FRAS1: variants seen among roughly 807,000 people sequenced by gnomAD.
The protein encoded by FRAS1 is extracellular matrix organizing protein FRAS1.
In FRAS1, 290 loss-of-function variants were observed where a neutral mutation model predicts 435.2. That is an observed-to-expected ratio of 0.67 (90% CI 0.61 to 0.73). The LOEUF is 0.73. Ranked by LOEUF, FRAS1 falls within the 30% of genes least tolerant of loss-of-function variation. The pLI, the probability that FRAS1 is intolerant of heterozygous loss-of-function variation, is 0.00. For missense variants in FRAS1, 4,860 were observed against 5,001.5 expected (o/e 0.97, Z 0.85); for synonymous variants, 1,800 against 1,851.0 (o/e 0.97, Z 0.71).
At chr4:78,510,506 G>T (rs1720999049) in intron 63 of FRAS1, among the ~76,000 whole-genome samples, 2 of 152,110 alleles carry the variant, frequency 1.3e-5, no homozygotes, top group Admixed American at 6.5e-5. Context: ...TGTTTTCATG[G>T]GTAAAATGTA....
chr4:78,469,186 A>G (rs747012074), intron 50 of FRAS1, among the ~76,000 whole-genome samples: 15 of 152,210 alleles, frequency 9.9e-5, no homozygotes, highest in Admixed American at 1.3e-4. Context: ...AGGTCTCTGG[A>G]GGGACGATGT....
At chr4:78,281,550 T>C (rs1016361076) in intron 11 of FRAS1, 117 bp downstream of exon 11, 1 of 590,638 alleles carries the variant, frequency 1.7e-6, no homozygotes, top group South Asian at 2.6e-5. Context: ...CCACATTTGA[T>C]GGCACTATGA....
intron 2 of FRAS1, among the ~76,000 whole-genome samples, chr4:78,140,671 GTATATGTATATGCATATACA>G (rs1720128339): frequency 1.4e-5 from 2 of 139,632 alleles, no homozygotes; most frequent in Non-Finnish European, 3.0e-5. Flanking sequence ...ATACATATGT[GTATATGTATATGCATATACA>G]TATGTGTATA....
intron 63 of FRAS1, among the ~76,000 whole-genome samples, chr4:78,509,814 A>C (rs1040228087): frequency 6.6e-6 from 1 of 152,244 alleles, no homozygotes; most frequent in Non-Finnish European, 1.5e-5. Flanking sequence ...AGTACCTGGC[A>C]TGTAGTAAGC....
chr4:78,445,494 T>C (rs764419221), intron 41 of FRAS1, 28 bp from the exon 42 acceptor site: 3 of 1,509,132 alleles, frequency 2.0e-6, no homozygotes, highest in Non-Finnish European at 8.9e-7. Flanking sequence ...TAGATCAAGG[T>C]AAAAATGCTC....
rs537804916 is a variant in FRAS1, at chr4:78,216,859, G to T, written c.109-20651G>T. Among the ~76,000 whole-genome samples, 5 of 152,284 alleles carry T rather than the reference G, an allele frequency of 3.3e-5. No individual in the cohort carries two copies. In the South Asian group the frequency reaches 1.0e-3, roughly 32 times the overall value. Reference sequence around the variant, plus strand: ...AAGGGAGAGACTGTGTCAGAGAAAAGAAACCTTTATGGCCACAGGAGAGTA... The same window carrying T: ...AAGGGAGAGACTGTGTCAGAGAAAATAAACCTTTATGGCCACAGGAGAGTA... On this transcript the variant is annotated intron_variant, in intron 2 of 73. Transcript: ENST00000512123.
chr4:78,093,778 A>C (rs918220651), intron 2 of FRAS1, among the ~76,000 whole-genome samples: 3 of 151,846 alleles, frequency 2.0e-5, no homozygotes, highest in African/African-American at 7.3e-5. Flanking sequence ...AAATCCTCTC[A>C]CTCCCCTGAG....
At chr4:78,077,122 C>T (rs1442869136) in intron 2 of FRAS1, among the ~76,000 whole-genome samples, 1 of 152,128 alleles carries the variant, frequency 6.6e-6, no homozygotes, top group African/African-American at 2.4e-5. Flanking sequence ...AAGGATGAGG[C>T]AGGAGGACGC....
chr4:78,400,205 T>C (rs762998184), intron 29 of FRAS1, among the ~76,000 whole-genome samples: 2 of 152,228 alleles, frequency 1.3e-5, no homozygotes, highest in Non-Finnish European at 1.5e-5. Context: ...TAGGAAAATC[T>C]TCCCGAGTCT....
At chr4:78,467,093 T>C (rs1460115724) in intron 50 of FRAS1, among the ~76,000 whole-genome samples, 2 of 152,184 alleles carry the variant, frequency 1.3e-5, no homozygotes, top group Non-Finnish European at 2.9e-5. Flanking sequence ...AATCCAGTTA[T>C]TCTCTTTTAG....
chr4:78,128,468 C>G (rs1211635155), intron 2 of FRAS1, among the ~76,000 whole-genome samples: 2 of 152,202 alleles, frequency 1.3e-5, no homozygotes, highest in African/African-American at 4.8e-5. Flanking sequence ...GATGGTATCT[C>G]ATTGTGGTTT....
intron 2 of FRAS1, among the ~76,000 whole-genome samples, chr4:78,175,963 G>A (rs780813372): frequency 2.8e-4 from 43 of 152,158 alleles, no homozygotes; most frequent in African/African-American, 8.9e-4. Context: ...CTAGGTTGCC[G>A]TCTCTTGGTG....
chr4:78,438,944 T>C lies in FRAS1; in HGVS notation c.5409T>C (p.Asp1803=). The C allele has an allele frequency of 1.9e-6, 3 of 1,612,514 alleles. No homozygotes were observed. Among genetic ancestry groups the C allele is most frequent in the East Asian group, 2.2e-5 (1 of 44,866 alleles). ...AAACTGATGGTCATCTGGTTACTGA[T>C]AGCTTCTATTTCTCTGTCTCTGACA... ...VFETDGHLVT[D]SFYFSVSDMD... The change falls in exon 40 of 74, where the codon GAT becomes GAC. Residue 1803 remains aspartate (D), a synonymous_variant. Coordinates refer to ENST00000512123, the MANE Select transcript of FRAS1 (RefSeq NM_025074.7).
intron 9 of FRAS1, 41 bp from the exon 10 acceptor site, chr4:78,278,614 T>C (rs1190269555): frequency 9.0e-6 from 10 of 1,115,812 alleles, no homozygotes; most frequent in African/African-American, 6.1e-5. Flanking sequence ...TACCTGGAGA[T>C]GTTAATTTGA....
intron 58 of FRAS1, among the ~76,000 whole-genome samples, chr4:78,488,120 G>A (rs901763222): frequency 2.0e-4 from 31 of 152,102 alleles, no homozygotes; most frequent in Non-Finnish European, 2.9e-4. Context: ...GTGACAGAGC[G>A]AGACTCCGTC....
At chr4:78,512,977 TGTGA>T (rs1721084705) in intron 64 of FRAS1, among the ~76,000 whole-genome samples, 1 of 152,220 alleles carries the variant, frequency 6.6e-6, no homozygotes, top group Admixed American at 6.5e-5. Context: ...TTAAAAGAAA[TGTGA>T]GTGTCAACCT....
At chr4:78,177,577 G>C (rs1224695934) in intron 2 of FRAS1, among the ~76,000 whole-genome samples, 1 of 152,170 alleles carries the variant, frequency 6.6e-6, no homozygotes, top group Non-Finnish European at 1.5e-5. Flanking sequence ...CTCTGGGTGA[G>C]GTCAGTTGGG....
At chr4:78,273,846 A>G (rs1578220597) in intron 9 of FRAS1, among the ~76,000 whole-genome samples, 1 of 152,074 alleles carries the variant, frequency 6.6e-6, no homozygotes, top group East Asian at 1.9e-4. Context: ...GTTAGGGAGG[A>G]TTCCCTCTTT....
At chr4:78,535,234 A>G (rs1721845174) in intron 71 of FRAS1, among the ~76,000 whole-genome samples, 1 of 151,994 alleles carries the variant, frequency 6.6e-6, no homozygotes, top group African/African-American at 2.4e-5. Context: ...CCCAGATTCC[A>G]TGCTTGGCTC....
Sources: gnomAD v4.1 joint callset for allele counts (sites outside exome capture counted in the v4.1 genomes callset) on GRCh38, gnomAD v4.1.1 for gene constraint, MANE v1.5 for transcripts, NCBI Gene and HGNC (gene_info 2026-07-23, HGNC 2026-07-21) for gene names.